ATP6V1H: variants seen among roughly 807,000 people sequenced by gnomAD.
ATP6V1H encodes the protein V-type proton ATPase subunit H.
ATP6V1H carries 39 observed loss-of-function variants against 71.7 expected under a neutral mutation model. That is an observed-to-expected ratio of 0.54 (90% confidence interval 0.42 to 0.71). ATP6V1H has a LOEUF of 0.71. Ranked by LOEUF, ATP6V1H falls within the 30% of genes least tolerant of loss-of-function variation. ATP6V1H has a pLI of 0.00. For synonymous variants in ATP6V1H, 192 were observed against 199.3 expected, an observed-to-expected ratio of 0.96 and a Z score of 0.31; for missense variants, 509 against 594.9, an observed-to-expected ratio of 0.86 and a Z score of 1.50.
chr8:53,801,933 G>GCTTCC, intron 7 of ATP6V1H, 37 bp from the exon 8 acceptor site: 2 of 1,551,966 alleles, frequency 1.3e-6, no homozygotes, highest in Non-Finnish European at 8.9e-7. Context: ...TAAATGGGAA[G>GCTTCC]CATTTAAAGT....
intron 11 of ATP6V1H, 46 bp from the exon 12 acceptor site, chr8:53,756,702 A>G: frequency 7.6e-7 from 1 of 1,308,056 alleles, no homozygotes. Flanking sequence ...TAATTTTTCT[A>G]TAGACTACAA....
At chr8:53,749,041 G>T (rs982517745) in intron 12 of ATP6V1H, among the ~76,000 whole-genome samples, 1 of 152,206 alleles carries the variant, frequency 6.6e-6, no homozygotes, top group Non-Finnish European at 1.5e-5. Flanking sequence ...CTACTGTGTG[G>T]TGAACACTAT....
chr8:53,794,626 A>C (rs1809672097), intron 9 of ATP6V1H, among the ~76,000 whole-genome samples: 2 of 152,194 alleles, frequency 1.3e-5, no homozygotes. Context: ...TCGGCCTCCC[A>C]AAGTGCTGGG....
At position 53,817,402 on chromosome 8, in the gene ATP6V1H, C is replaced by G. The variant is rs1255110140; in HGVS notation, c.420+15G>C. ...AAAAATTTTAAAAAAAGAATCCAAT[C>G]AATTCAAAATTTACCATATGAACAG... On this transcript the variant is annotated intron_variant, in intron 5 of 13. Transcript: ENST00000359530. 42 of 1,553,900 alleles carry G rather than the reference C, an allele frequency of 2.7e-5. No homozygotes were observed. The highest frequency in any genetic ancestry group is 1.8e-6 in the Non-Finnish European group (2 of 1,132,654).
rs141371513 is a variant in ATP6V1H at position 53,794,334 on chromosome 8, T to C, written c.870+1313A>G. 6.6e-4 allele frequency among the ~76,000 whole-genome samples: 100 copies of C among 152,298 alleles called. No individual in the cohort carries two copies. The East Asian group carries it at 0.018, about 28-fold the overall frequency. On this transcript the variant is annotated intron_variant, in intron 9 of 13. Transcript: ENST00000359530. Reference sequence around the variant, plus strand: ...GCAAATGTGTTATCTACATTAAATTTTGCAATACATCTGTACCACTTTTTA... The same window carrying C: ...GCAAATGTGTTATCTACATTAAATTCTGCAATACATCTGTACCACTTTTTA...
intron 13 of ATP6V1H, among the ~76,000 whole-genome samples, chr8:53,738,957 A>G (rs1033602854): frequency 2.0e-5 from 3 of 152,150 alleles, no homozygotes; most frequent in African/African-American, 7.2e-5. Flanking sequence ...ATCCAGTTAT[A>G]TTTGTTTTTT....
At chr8:53,718,750 C>T (rs1191659440) in intron 13 of ATP6V1H, among the ~76,000 whole-genome samples, 3 of 152,176 alleles carry the variant, frequency 2.0e-5, no homozygotes, top group African/African-American at 7.2e-5. Context: ...TCTTCCTGAC[C>T]TAAGTACGTG....
chr8:53,722,662 G>C (rs7830685), intron 13 of ATP6V1H, among the ~76,000 whole-genome samples: 15 of 151,930 alleles, frequency 9.9e-5, no homozygotes, highest in Non-Finnish European at 1.6e-4. Context: ...CTAAGAAATC[G>C]ATGATTGTTG....
At chr8:53,762,898 C>T (rs1489687320) in intron 11 of ATP6V1H, among the ~76,000 whole-genome samples, 2 of 152,212 alleles carry the variant, frequency 1.3e-5, no homozygotes, top group African/African-American at 4.8e-5. Context: ...TCTCAGCTTA[C>T]TCAACATGAC....
At chr8:53,724,947 T>G (rs1196778202) in intron 13 of ATP6V1H, among the ~76,000 whole-genome samples, 1 of 151,738 alleles carries the variant, frequency 6.6e-6, no homozygotes, top group Admixed American at 6.6e-5. Flanking sequence ...GGATTTAAAA[T>G]ATATTTAGGT....
At chr8:53,760,566 T>A (rs1408380722) in intron 11 of ATP6V1H, among the ~76,000 whole-genome samples, 1 of 152,228 alleles carries the variant, frequency 6.6e-6, no homozygotes, top group African/African-American at 2.4e-5. Flanking sequence ...CCTTCACTTC[T>A]GCTCTAAAAT....
chr8:53,743,556 G>A (rs1807490068), intron 13 of ATP6V1H, 21 bp downstream of exon 13: 1 of 1,579,444 alleles, frequency 6.3e-7, no homozygotes, highest in African/African-American at 1.3e-5. Context: ...GTACAAGTGT[G>A]AGCAAAAAGC....
chr8:53,838,331 C>A (rs1446942666), intron 2 of ATP6V1H, among the ~76,000 whole-genome samples: 1 of 152,088 alleles, frequency 6.6e-6, no homozygotes, highest in East Asian at 1.9e-4. Context: ...GTTGGCCAGG[C>A]TGGTCTCAAA....
intron 10 of ATP6V1H, among the ~76,000 whole-genome samples, chr8:53,770,062 G>C (rs1025604436): frequency 2.6e-5 from 4 of 151,984 alleles, no homozygotes; most frequent in Admixed American, 2.6e-4. Context: ...TTGATAATCA[G>C]AATTTCTACC....
At chr8:53,716,669 C>T (rs2130058829) in intron 13 of ATP6V1H, among the ~76,000 whole-genome samples, 1 of 152,314 alleles carries the variant, frequency 6.6e-6, no homozygotes. Flanking sequence ...ACTCACTCCA[C>T]AGATGGGGCA....
intron 9 of ATP6V1H, among the ~76,000 whole-genome samples, chr8:53,780,731 C>T (rs994149501): frequency 2.6e-5 from 4 of 152,054 alleles, no homozygotes; most frequent in African/African-American, 7.3e-5. Context: ...TGATGTTCCC[C>T]TTCCTGTGTC....
intron 9 of ATP6V1H, among the ~76,000 whole-genome samples, chr8:53,781,755 A>G (rs1024777140): frequency 1.3e-5 from 2 of 152,086 alleles, no homozygotes; most frequent in African/African-American, 4.8e-5. Context: ...AGCTTTCTAC[A>G]TATGGCTAGC....
intron 3 of ATP6V1H, chr8:53,832,407 T>C (rs187468179): frequency 6.6e-6 from 1 of 152,172 alleles, no homozygotes; most frequent in African/African-American, 2.4e-5. Context: ...CCACTGTATA[T>C]GAAAAAACTC....
At chr8:53,819,132 G>GGAGTT (rs1810549876) in intron 4 of ATP6V1H, among the ~76,000 whole-genome samples, 1 of 152,138 alleles carries the variant, frequency 6.6e-6, no homozygotes, top group Non-Finnish European at 1.5e-5. Flanking sequence ...CTTGAGCCCA[G>GGAGTT]GAGTTCGAGG....
Sources: gnomAD v4.1 joint callset for allele counts (sites outside exome capture counted in the v4.1 genomes callset) on GRCh38, gnomAD v4.1.1 for gene constraint, MANE v1.5 for transcripts, NCBI Gene and HGNC (gene_info 2026-07-23, HGNC 2026-07-21) for gene names.